RSPO4: variants seen among roughly 807,000 people sequenced by gnomAD.
The protein encoded by RSPO4 is R-spondin-4.
Under a neutral mutation model 24.8 loss-of-function variants are expected in RSPO4, and 23 were observed. The observed-to-expected ratio is 0.93, with a 90% CI of 0.67 to 1.31. The LOEUF is 1.31. Among genes scored for constraint, RSPO4 ranks in the 40% most tolerant of loss-of-function variants. The probability of loss-of-function intolerance (pLI) is 0.00; values close to 1 mark genes in which losing one functional copy is unlikely to be tolerated. For missense variants in RSPO4, 333 were observed against 316.5 expected (o/e 1.05, Z -0.39); for synonymous variants, 141 against 127.4 (o/e 1.11, Z -0.72).
intron 3 of RSPO4, among the ~76,000 whole-genome samples, chr20:965,488 G>A (rs1280923942): frequency 1.3e-5 from 2 of 152,242 alleles, no homozygotes; most frequent in African/African-American, 4.8e-5. Context: ...GCCACTGAAG[G>A]GTCCTGGGAG....
intron 1 of RSPO4, among the ~76,000 whole-genome samples, chr20:969,471 G>C (rs1288467623): frequency 2.0e-5 from 3 of 152,214 alleles, no homozygotes; most frequent in Non-Finnish European, 4.4e-5. Context: ...CTCATGCCCT[G>C]CTTGGACATA....
intron 1 of RSPO4, among the ~76,000 whole-genome samples, chr20:990,427 A>G (rs1238616949): frequency 6.6e-6 from 1 of 151,924 alleles, no homozygotes; most frequent in African/African-American, 2.4e-5. Context: ...TCCCAAGTGT[A>G]TGTTTTCCTT....
chr20:984,946 T>TCCAC (rs767752255), intron 1 of RSPO4, among the ~76,000 whole-genome samples: 1 of 121,840 alleles, frequency 8.2e-6, no homozygotes, highest in Non-Finnish European at 1.6e-5. Flanking sequence ...CATCCATCCA[T>TCCAC]CCATCCACCC....
chr20:962,369 C>T (rs1984027369), intron 4 of RSPO4, among the ~76,000 whole-genome samples: 1 of 152,154 alleles, frequency 6.6e-6, no homozygotes, highest in African/African-American at 2.4e-5. Context: ...TCATGTTTCA[C>T]AGCACTAAGC....
At chr20:987,606 T>C (rs1350858466) in intron 1 of RSPO4, among the ~76,000 whole-genome samples, 1 of 151,730 alleles carries the variant, frequency 6.6e-6, no homozygotes, top group Non-Finnish European at 1.5e-5. Context: ...GGCAACATAG[T>C]GAGACCCTTA....
At chr20:960,808 C>T (rs1451236498) in intron 4 of RSPO4, among the ~76,000 whole-genome samples, 7 of 152,210 alleles carry the variant, frequency 4.6e-5, no homozygotes, top group Non-Finnish European at 8.8e-5. Context: ...CATGGCTTTC[C>T]CCGGCACACT....
At position 959,248 on chromosome 20, in the gene RSPO4, T is replaced by A. The variant is rs893062056; in HGVS notation, c.*1109A>T. 6.6e-6 allele frequency: 1 copy of A among 152,408 alleles called. No individual in the cohort carries two copies. The highest frequency in any genetic ancestry group is 1.5e-5 in the Non-Finnish European group (1 of 68,302). The allele number at this position is 152,408 out of a possible 1,614,324, so 9.4% of individuals were successfully genotyped here. A position where few individuals can be genotyped will look rare whatever the true frequency, so the allele number is the denominator to read the frequency against. ...GTGGGTGTGGACGAGTGCACGGATC[T>A]TCCCTTGCTCCCCACCCACAATTCC... On this transcript the variant is annotated 3_prime_UTR_variant, in exon 5 of 5. Coordinates refer to ENST00000217260, the MANE Select transcript of RSPO4 (RefSeq NM_001029871.4).
intron 1 of RSPO4, among the ~76,000 whole-genome samples, chr20:975,368 G>T (rs1193007514): frequency 6.6e-6 from 1 of 152,102 alleles, no homozygotes. Flanking sequence ...GTTTTCTTGG[G>T]CCATCACAGT....
intron 1 of RSPO4, among the ~76,000 whole-genome samples, chr20:976,885 T>C (rs545109195): frequency 1.6e-3 from 241 of 152,312 alleles, no homozygotes; most frequent in African/African-American, 4.5e-3. Context: ...AGCTGGAATT[T>C]GAACTTCTCT....
chr20:1,001,193 T>C (rs747967191), intron 1 of RSPO4, among the ~76,000 whole-genome samples: 1 of 152,324 alleles, frequency 6.6e-6, no homozygotes, highest in Non-Finnish European at 1.5e-5. Context: ...ACCCGTGGCA[T>C]AGTGGCTGGC....
At chr20:996,511 G>T (rs1056920587) in intron 1 of RSPO4, among the ~76,000 whole-genome samples, 1 of 152,134 alleles carries the variant, frequency 6.6e-6, no homozygotes, top group Non-Finnish European at 1.5e-5. Context: ...CAGCCTCAGA[G>T]GTCTTGTCCA....
chr20:999,151 A>G (rs1250839629), intron 1 of RSPO4, among the ~76,000 whole-genome samples: 2 of 151,976 alleles, frequency 1.3e-5, no homozygotes, highest in East Asian at 3.9e-4. Flanking sequence ...CACCACCAAC[A>G]TGCCTGGCTA....
intron 1 of RSPO4, among the ~76,000 whole-genome samples, chr20:979,300 T>C (rs887600577): frequency 1.3e-5 from 2 of 152,162 alleles, no homozygotes; most frequent in Admixed American, 1.3e-4. Flanking sequence ...TCCTTTTGTC[T>C]GGAATGCCCT....
Position 981,783 on chromosome 20 carries a change from T to C in RSPO4, c.80-13645A>G, listed in dbSNP as rs1285313892. 3.9e-5 allele frequency among the ~76,000 whole-genome samples: 6 copies of C among 152,024 alleles called. No individual in the cohort carries two copies. In the East Asian group the frequency reaches 1.2e-3, roughly 29 times the overall value. ...ATCTGCCTGTCCCCACATTAAAGCA[T>C]AGAGAAGGCCTGAGCCCCTGCCCTA... is the stretch of plus-strand genomic sequence containing the variant. On this transcript the variant is annotated intron_variant, in intron 1 of 4. Coordinates refer to ENST00000217260, the MANE Select transcript of RSPO4 (RefSeq NM_001029871.4). This position sits in a 1 kb window ranked among gnomAD's most constrained non-coding sequence, Gnocchi z 4.6.
intron 1 of RSPO4, 97 bp from the exon 2 acceptor site, chr20:968,235 C>G: frequency 8.9e-7 from 1 of 1,126,298 alleles, no homozygotes; most frequent in East Asian, 2.5e-5. Flanking sequence ...GGGATAGTAA[C>G]TGGGCACATG....
chr20:963,936 T>C lies in RSPO4; in HGVS notation c.594A>G (p.Gly198=). The change falls in exon 4 of 5, where the codon GGA becomes GGG. Residue 198 remains glycine (G), a splice_region_variant and synonymous_variant. Transcript: ENST00000217260. ...TCGTGTGCCTGTCCTGGGGCTCACC[T>C]CCTGGGCAGGGCCTCTGGATGGGAC... The part of the protein sequence containing the change: ...RKCPIQRPCP[G]ERSPGQKKGR... The C allele has an allele frequency of 1.2e-6, 2 of 1,613,708 alleles. No individual in the cohort carries two copies. The highest frequency in any genetic ancestry group is 1.7e-6 in the Non-Finnish European group (2 of 1,180,018).
chr20:985,479 G>A (rs957146839), intron 1 of RSPO4, among the ~76,000 whole-genome samples: 2 of 152,246 alleles, frequency 1.3e-5, no homozygotes, highest in African/African-American at 4.8e-5. Context: ...TACTGGATTG[G>A]AAATGTAAAT....
At chr20:997,263 T>C (rs1985324227) in intron 1 of RSPO4, among the ~76,000 whole-genome samples, 1 of 152,112 alleles carries the variant, frequency 6.6e-6, no homozygotes. Context: ...GGGGGTTGGA[T>C]GGTTTCCGTC....
intron 1 of RSPO4, among the ~76,000 whole-genome samples, chr20:992,729 C>G (rs150783562): frequency 2.6e-5 from 4 of 152,296 alleles, no homozygotes; most frequent in African/African-American, 9.6e-5. Flanking sequence ...GGGAGCTGAG[C>G]CCAGGACTGT....
Sources: allele counts gnomAD v4.1 joint callset (sites outside exome capture counted in the v4.1 genomes callset), GRCh38; gene constraint gnomAD v4.1.1; non-coding constraint Gnocchi (gnomAD v3.1); transcripts MANE v1.5; gene names NCBI Gene and HGNC (gene_info 2026-07-23, HGNC 2026-07-21).